CEP112: variants seen among roughly 807,000 people sequenced by gnomAD.
CEP112 encodes the protein centrosomal protein of 112 kDa.
CEP112 carries 127 observed loss-of-function variants against 153.0 expected under a neutral mutation model. The ratio of observed to expected loss-of-function variants is 0.83; its 90% CI spans 0.72 to 0.96. The LOEUF (loss-of-function observed/expected upper bound fraction) is 0.96. Among genes scored for constraint, CEP112 ranks in the 40% least tolerant of loss-of-function variants. CEP112 has a pLI of 0.00. For synonymous variants in CEP112, 358 were observed against 374.4 expected (o/e 0.96, Z 0.51); for missense variants, 1,089 against 1,101.2 (o/e 0.99, Z 0.16).
intron 12 of CEP112, among the ~76,000 whole-genome samples, chr17:66,046,608 T>C (rs1348238825): frequency 2.0e-5 from 3 of 152,184 alleles, no homozygotes; most frequent in Non-Finnish European, 4.4e-5. Context: ...CTGAATTGTG[T>C]CCTCCAAAAA....
intron 8 of CEP112, among the ~76,000 whole-genome samples, chr17:66,075,079 A>G (rs1400956662): frequency 6.6e-6 from 1 of 152,124 alleles, no homozygotes; most frequent in Non-Finnish European, 1.5e-5. Flanking sequence ...ATTCTTAAAG[A>G]TGAAAACTTA....
intron 21 of CEP112, among the ~76,000 whole-genome samples, chr17:65,844,690 C>A (rs1042057911): frequency 6.9e-6 from 1 of 144,938 alleles, no homozygotes; most frequent in Admixed American, 6.9e-5. Flanking sequence ...AAAAAAAAAA[C>A]CTAAATGTTC....
At chr17:65,797,938 C>T (rs1283134916) in intron 21 of CEP112, among the ~76,000 whole-genome samples, 1 of 152,122 alleles carries the variant, frequency 6.6e-6, no homozygotes, top group African/African-American at 2.4e-5. Context: ...GGGGAGGCTG[C>T]ACACGCATGC....
chr17:65,713,134 G>A (rs2049294402), intron 23 of CEP112, among the ~76,000 whole-genome samples: 1 of 152,172 alleles, frequency 6.6e-6, no homozygotes, highest in Non-Finnish European at 1.5e-5. Flanking sequence ...TAGGTAGACA[G>A]TACATGGCAA....
At chr17:65,979,738 C>T (rs1291850573) in intron 17 of CEP112, among the ~76,000 whole-genome samples, 1 of 151,982 alleles carries the variant, frequency 6.6e-6, no homozygotes, top group East Asian at 1.9e-4. Flanking sequence ...ATTATATTCC[C>T]AGTAAATTTA....
intron 21 of CEP112, among the ~76,000 whole-genome samples, chr17:65,839,217 A>G (rs906953541): frequency 6.6e-6 from 1 of 152,022 alleles, no homozygotes; most frequent in African/African-American, 2.4e-5. Flanking sequence ...AAAGAAAACT[A>G]GAAGTTAATA....
chr17:65,992,564 G>C (rs1036552613), intron 17 of CEP112, among the ~76,000 whole-genome samples: 7 of 152,248 alleles, frequency 4.6e-5, no homozygotes, highest in Admixed American at 3.9e-4. Context: ...CCAATGAATA[G>C]TCTAAAATTT....
intron 6 of CEP112, among the ~76,000 whole-genome samples, chr17:66,118,686 C>T (rs2069423194): frequency 6.6e-6 from 1 of 152,002 alleles, no homozygotes. Context: ...CAATAACTTA[C>T]TGTATATTTT....
intron 21 of CEP112, among the ~76,000 whole-genome samples, chr17:65,789,067 C>T (rs2054444094): frequency 6.6e-6 from 1 of 152,190 alleles, no homozygotes; most frequent in African/African-American, 2.4e-5. Context: ...CTAGCCACTA[C>T]AGCCTTGGTA....
intron 24 of CEP112, among the ~76,000 whole-genome samples, chr17:65,665,713 C>T (rs866321837): frequency 4.6e-5 from 7 of 152,200 alleles, no homozygotes; most frequent in Admixed American, 3.3e-4. Flanking sequence ...TCCCCTGAAG[C>T]CAATGCTACT....
chr17:66,175,043 C>G lies in CEP112; in HGVS notation c.470+1G>C. ...TTCAAAATCCCATTCTCTTTACATA[C>G]CTGTAGACATCAGTTGGCGACTGTA... On this transcript the variant is annotated splice_donor_variant, in intron 4 of 26. Coordinates refer to ENST00000535342, the MANE Select transcript of CEP112 (RefSeq NM_001199165.4). LOFTEE classifies it high-confidence loss of function. 1.3e-6 allele frequency: 2 copies of G among 1,591,208 alleles called. No individual in the cohort carries two copies. Among genetic ancestry groups the G allele is most frequent in the Non-Finnish European group, 1.7e-6 (2 of 1,167,870 alleles).
chr17:66,124,877 G>C (rs927358508), intron 6 of CEP112, among the ~76,000 whole-genome samples: 1 of 152,034 alleles, frequency 6.6e-6, no homozygotes, highest in Non-Finnish European at 1.5e-5. Flanking sequence ...GGGAGAACCT[G>C]GCTGTAATAG....
At position 65,835,164 on chromosome 17, in the gene CEP112, C is replaced by T. The variant is rs577924510; in HGVS notation, c.2394+16640G>A. ...TGATGTTACCTATGCAACAAACCTT[C>T]ACATGTACCCCCAAACCCAAAATAA... On this transcript the variant is annotated intron_variant, in intron 21 of 26. Coordinates refer to ENST00000535342, the MANE Select transcript of CEP112 (RefSeq NM_001199165.4). 2.1e-5 allele frequency among the ~76,000 whole-genome samples: 3 copies of T among 145,660 alleles called. No individual in the cohort carries two copies. The South Asian group carries it at 6.6e-4, about 32-fold the overall frequency.
At chr17:65,711,494 T>C (rs918799752) in intron 23 of CEP112, among the ~76,000 whole-genome samples, 6 of 152,188 alleles carry the variant, frequency 3.9e-5, no homozygotes, top group African/African-American at 1.4e-4. Flanking sequence ...TTATCACAAC[T>C]GGGGAATAAG....
chr17:66,153,804 C>T (rs924917488), intron 4 of CEP112, among the ~76,000 whole-genome samples: 5 of 151,936 alleles, frequency 3.3e-5, no homozygotes, highest in Admixed American at 1.3e-4. Context: ...CATAGATAAA[C>T]AGGCCAATGA....
chr17:65,948,255 A>G (rs1394533341), intron 18 of CEP112, among the ~76,000 whole-genome samples: 1 of 152,196 alleles, frequency 6.6e-6, no homozygotes, highest in East Asian at 1.9e-4. Context: ...TTTTCCAGGT[A>G]TAAAGTTAGC....
intron 21 of CEP112, among the ~76,000 whole-genome samples, chr17:65,767,254 T>C (rs563865459): frequency 3.3e-5 from 5 of 151,942 alleles, no homozygotes; most frequent in Admixed American, 2.6e-4. Flanking sequence ...TTCACAAATA[T>C]GTGGAAATTA....
At chr17:65,974,110 T>G (rs879604501) in intron 17 of CEP112, among the ~76,000 whole-genome samples, 1 of 151,982 alleles carries the variant, frequency 6.6e-6, no homozygotes, top group Non-Finnish European at 1.5e-5. Context: ...AGGGTCTCAC[T>G]TTGTCACCCA....
intron 23 of CEP112, among the ~76,000 whole-genome samples, chr17:65,693,212 G>C (rs555253657): frequency 6.6e-6 from 1 of 152,082 alleles, no homozygotes; most frequent in Non-Finnish European, 1.5e-5. Context: ...GCAGAACCCT[G>C]AGAGTGCTAC....
Sources: allele counts gnomAD v4.1 joint callset (sites outside exome capture counted in the v4.1 genomes callset), GRCh38; gene constraint gnomAD v4.1.1; transcripts MANE v1.5; gene names NCBI Gene and HGNC (gene_info 2026-07-23, HGNC 2026-07-21).